The following GRIK1 variants were observed in gnomAD, a reference collection of about 807,000 sequenced individuals.
GRIK1 encodes glutamate receptor ionotropic, kainate 1.
Under a neutral mutation model 105.7 loss-of-function variants are expected in GRIK1, and 69 were observed. The observed-to-expected ratio is 0.65, with a 90% CI of 0.54 to 0.80. GRIK1 has a LOEUF of 0.80. GRIK1 is among the 30% of genes least tolerant of loss of function. The pLI is 0.00. For synonymous variants in GRIK1, 438 were observed against 431.3 expected (o/e 1.02, Z -0.19); for missense variants, 1,109 against 1,167.3 (o/e 0.95, Z 0.73).
chr21:29,803,119 T>A (rs191093582), intron 1 of GRIK1, among the ~76,000 whole-genome samples: 2 of 152,158 alleles, frequency 1.3e-5, no homozygotes, highest in African/African-American at 4.8e-5. Flanking sequence ...TGGATAACTA[T>A]CCCTTAATAG....
intron 14 of GRIK1, among the ~76,000 whole-genome samples, chr21:29,571,683 G>T (rs2090754065): frequency 6.6e-6 from 1 of 152,190 alleles, no homozygotes; most frequent in East Asian, 1.9e-4. Context: ...TTTGATCATG[G>T]ATCTTGAAAA....
chr21:29,919,770 C>T (rs560677097), intron 1 of GRIK1, among the ~76,000 whole-genome samples: 13 of 152,174 alleles, frequency 8.5e-5, no homozygotes, highest in Middle Eastern at 3.4e-3. Flanking sequence ...AATAAACCTA[C>T]GTAGTGGTTT....
At chr21:29,588,774 C>T (rs1010168324) in intron 11 of GRIK1, 65 bp downstream of exon 11, 1 of 900,782 alleles carries the variant, frequency 1.1e-6, no homozygotes, top group Non-Finnish European at 1.8e-6. Context: ...CTTCTGACAT[C>T]ATTTTTTCCT....
intron 9 of GRIK1, among the ~76,000 whole-genome samples, chr21:29,592,195 G>C (rs2061343282): frequency 3.9e-5 from 6 of 152,200 alleles, no homozygotes; most frequent in Admixed American, 3.9e-4. Context: ...GCAGGACTCT[G>C]TTCATATCTC....
intron 1 of GRIK1, among the ~76,000 whole-genome samples, chr21:29,727,060 G>A (rs2064486868): frequency 6.6e-6 from 1 of 151,886 alleles, no homozygotes; most frequent in Admixed American, 6.6e-5. Context: ...CTCAGATTCC[G>A]AGTAGTTAGG....
intron 8 of GRIK1, among the ~76,000 whole-genome samples, chr21:29,598,039 T>C (rs1367014615): frequency 6.6e-6 from 1 of 152,224 alleles, no homozygotes; most frequent in Non-Finnish European, 1.5e-5. Context: ...AGTTTTCTGT[T>C]GAGGTGATTG....
chr21:29,607,243 T>C (rs2146354630), intron 7 of GRIK1, among the ~76,000 whole-genome samples: 1 of 152,248 alleles, frequency 6.6e-6, no homozygotes, highest in African/African-American at 2.4e-5. Flanking sequence ...TTAGCACTTT[T>C]CTTTTGTCTG....
chr21:29,741,993 G>T (rs1054169877), intron 1 of GRIK1, among the ~76,000 whole-genome samples: 1 of 152,114 alleles, frequency 6.6e-6, no homozygotes, highest in Non-Finnish European at 1.5e-5. Flanking sequence ...TCATGGAGAA[G>T]GTACAATGGC....
At chr21:29,812,580 AGG>A in intron 1 of GRIK1, among the ~76,000 whole-genome samples, 1 of 152,184 alleles carries the variant, frequency 6.6e-6, no homozygotes, top group South Asian at 2.1e-4. Flanking sequence ...TGCCCAGATC[AGG>A]GTTCCAAACT....
At position 29,537,132 on chromosome 21, in the gene GRIK1, A is replaced by C; in HGVS notation, c.*98T>G. The C allele has an allele frequency of 1.4e-6, 1 of 716,552 alleles. No homozygotes were observed. Among genetic ancestry groups the C allele is most frequent in the Non-Finnish European group, 2.2e-6 (1 of 453,066 alleles). The allele number at this position is 716,552 out of a possible 1,614,324, so 44.4% of individuals were successfully genotyped here. Reference sequence around the variant, plus strand: ...TGTATTCATAATCAGAGTTATGGATATAGATATATGGAAACACATCACACA... The same window carrying C: ...TGTATTCATAATCAGAGTTATGGATCTAGATATATGGAAACACATCACACA... On this transcript the variant is annotated 3_prime_UTR_variant, in exon 18 of 18. Transcript: ENST00000327783.
At chr21:29,579,961 G>C (rs1056621548) in intron 13 of GRIK1, among the ~76,000 whole-genome samples, 5 of 142,048 alleles carry the variant, frequency 3.5e-5, no homozygotes, top group South Asian at 4.3e-4. Context: ...ATATATGTGT[G>C]TGTGTATATA....
intron 4 of GRIK1, among the ~76,000 whole-genome samples, chr21:29,663,285 C>T (rs999247946): frequency 4.6e-5 from 7 of 152,078 alleles, no homozygotes; most frequent in African/African-American, 1.4e-4. Flanking sequence ...TTATTTAAGA[C>T]CAAAGTTAGA....
intron 1 of GRIK1, among the ~76,000 whole-genome samples, chr21:29,700,573 C>A (rs1177466245): frequency 6.6e-6 from 1 of 151,990 alleles, no homozygotes; most frequent in Non-Finnish European, 1.5e-5. Context: ...TGAAAAAAAC[C>A]ATGCCTGGCT....
At chr21:29,782,333 T>A (rs751105571) in intron 1 of GRIK1, among the ~76,000 whole-genome samples, 112 of 151,976 alleles carry the variant, frequency 7.4e-4, no homozygotes, top group Non-Finnish European at 1.3e-3. Flanking sequence ...TGATCTGCCC[T>A]CCTTGGCCTC....
intron 1 of GRIK1, among the ~76,000 whole-genome samples, chr21:29,893,452 G>A (rs747875064): frequency 6.6e-6 from 1 of 152,190 alleles, no homozygotes; most frequent in Admixed American, 6.5e-5. Context: ...CTACTCACAA[G>A]CAATGAAAAC....
intron 7 of GRIK1, among the ~76,000 whole-genome samples, chr21:29,622,029 C>A (rs1041781381): frequency 2.0e-5 from 3 of 152,034 alleles, no homozygotes; most frequent in African/African-American, 7.2e-5. Flanking sequence ...TCACTACAAC[C>A]ACTGCCTCCC....
chr21:29,827,214 C>T (rs2067484957), intron 1 of GRIK1, among the ~76,000 whole-genome samples: 1 of 152,038 alleles, frequency 6.6e-6, no homozygotes. Flanking sequence ...ATATACATTG[C>T]TATTTTAATT....
chr21:29,651,883 C>T (rs1436739947), intron 5 of GRIK1, among the ~76,000 whole-genome samples: 14 of 151,684 alleles, frequency 9.2e-5, no homozygotes, highest in Admixed American at 6.6e-4. Context: ...AAATGGCAGC[C>T]GTACCACACT....
At chr21:29,558,231 G>A (rs1401411767) in intron 15 of GRIK1, among the ~76,000 whole-genome samples, 2 of 151,852 alleles carry the variant, frequency 1.3e-5, no homozygotes, top group African/African-American at 4.8e-5. Context: ...AGTTAGTCAG[G>A]GCAAGACTAG....
Sources: gnomAD v4.1 joint callset for allele counts (sites outside exome capture counted in the v4.1 genomes callset) on GRCh38, gnomAD v4.1.1 for gene constraint, MANE v1.5 for transcripts, NCBI Gene and HGNC (gene_info 2026-07-23, HGNC 2026-07-21) for gene names.